The following CD84 variants were observed in gnomAD, a reference collection of about 807,000 sequenced individuals.
The protein encoded by CD84 is CD84 molecule.
In CD84, 22 loss-of-function variants were observed where a neutral mutation model predicts 33.8. The observed-to-expected ratio is 0.65, with a 90% confidence interval of 0.46 to 0.93. CD84 has a LOEUF of 0.93. Among genes scored for constraint, CD84 ranks in the 40% least tolerant of loss-of-function variants. The probability of loss-of-function intolerance (pLI) is 0.00; values close to 1 mark genes in which losing one functional copy is unlikely to be tolerated. For missense variants in CD84, 400 were observed against 397.6 expected, an observed-to-expected ratio of 1.01 and a Z score of -0.05; for synonymous variants, 154 against 145.2, an observed-to-expected ratio of 1.06 and a Z score of -0.44.
At chr1:160,563,300 T>C (rs1657109314) in intron 2 of CD84, among the ~76,000 whole-genome samples, 1 of 152,178 alleles carries the variant, frequency 6.6e-6, no homozygotes, top group African/African-American at 2.4e-5. Flanking sequence ...TGCACATGTA[T>C]GTTCATTGCA....
In CD84 at chr1:160,552,937, A is replaced by G. The variant is rs903008063; in HGVS notation, c.760+441T>C. On this transcript the variant is annotated intron_variant, in intron 4 of 6. Transcript: ENST00000368054. ...ACTACAGAATGATCCAGAGGGATTC[A>G]GAGGGACATAGTGACAACCATGGAG... is the stretch of plus-strand genomic sequence containing the variant. 31 of 598,592 alleles carry G rather than the reference A, an allele frequency of 5.2e-5. No individual in the cohort carries two copies. The Admixed American group carries it at 8.5e-4, about 16-fold the overall frequency. 37.1% of individuals were successfully genotyped at this position (598,592 alleles called of 1,614,324 possible).
intron 2 of CD84, among the ~76,000 whole-genome samples, chr1:160,559,671 T>TA (rs933223276): frequency 1.4e-4 from 22 of 152,002 alleles, no homozygotes; most frequent in African/African-American, 4.8e-4. Context: ...GCCCCCAATT[T>TA]AAAAAATCAC....
At chr1:160,579,181 A>C (rs1481135972) in intron 1 of CD84, among the ~76,000 whole-genome samples, 2 of 152,140 alleles carry the variant, frequency 1.3e-5, no homozygotes, top group African/African-American at 4.8e-5. Flanking sequence ...AATATAACTC[A>C]GTAATATAAA....
chr1:160,564,766 T>C (rs1257824552), intron 2 of CD84, among the ~76,000 whole-genome samples: 1 of 152,098 alleles, frequency 6.6e-6, no homozygotes, highest in Non-Finnish European at 1.5e-5. Context: ...AAGGGAAAGA[T>C]GGAGATGTGG....
rs770069781 is a variant in CD84 at position 160,553,702 on chromosome 1, C to T, written c.640+193G>A. The stretch of plus-strand genomic sequence containing the variant: ...TTGATCAGGGGCTGCCACAGAACAC[C>T]CAGAAATGTCTAGCATCTCTCAGAA... On this transcript the variant is annotated intron_variant, in intron 3 of 6. Transcript: ENST00000368054. 320 of 992,304 alleles carry T rather than the reference C, an allele frequency of 3.2e-4. 1 individual carries two copies. The highest frequency in any genetic ancestry group is 4.3e-4 in the Non-Finnish European group (296 of 682,966). The allele number at this position is 992,304 out of a possible 1,614,324, so 61.5% of individuals were successfully genotyped here. A position where few individuals can be genotyped will look rare whatever the true frequency, so the allele number is the denominator to read the frequency against.
In CD84 at chr1:160,541,228, G is replaced by A. The variant is rs1217348593; in HGVS notation, c.*7028C>T. 1 of 152,190 alleles carries A rather than the reference G, an allele frequency of 6.6e-6. No homozygotes were observed. Among genetic ancestry groups the A allele is most frequent in the Non-Finnish European group, 1.5e-5 (1 of 68,038 alleles). The allele number at this position is 152,190 out of a possible 1,614,324, so 9.4% of individuals were successfully genotyped here. A position where few individuals can be genotyped will look rare whatever the true frequency, so the allele number is the denominator to read the frequency against. ...CATTTACAAATGCCTGAAATAAAAG[G>A]TGACTTGTAGAAGGGATAATATATC... On this transcript the variant is annotated 3_prime_UTR_variant, in exon 7 of 7. Transcript: ENST00000368054.
intron 2 of CD84, among the ~76,000 whole-genome samples, chr1:160,555,398 A>AT (rs552991721): frequency 2.0e-5 from 3 of 151,700 alleles, no homozygotes; most frequent in African/African-American, 7.3e-5. Flanking sequence ...AATCTTTAAA[A>AT]TTTTTTTTCA....
chr1:160,572,746 A>G (rs1657768917), intron 1 of CD84, among the ~76,000 whole-genome samples: 1 of 152,136 alleles, frequency 6.6e-6, no homozygotes, highest in Non-Finnish European at 1.5e-5. Flanking sequence ...CCAGAACACA[A>G]ATGGGAAAGG....
At chr1:160,557,145 C>A (rs1656663017) in intron 2 of CD84, among the ~76,000 whole-genome samples, 1 of 152,186 alleles carries the variant, frequency 6.6e-6, no homozygotes, top group African/African-American at 2.4e-5. Flanking sequence ...CAATTACGAT[C>A]TACATTCTAT....
In CD84 at chr1:160,565,569, T is replaced by A. The variant is rs1394794315; in HGVS notation, c.223A>T (p.Thr75Ser). Residue 75 changes from threonine (T) to serine (S), a missense_variant, in exon 2 of 7, where the codon ACT becomes TCT. By Grantham distance (58) the Thr-to-Ser change is moderately conservative. Coordinates refer to ENST00000368054, the MANE Select transcript of CD84 (RefSeq NM_003874.4). ...TCATAATAATTTCTGTGGGTCACAGTAACTACGGGTGCTGTTTCTGAGTCT... is the reference window on the plus strand; with the variant it reads ...TCATAATAATTTCTGTGGGTCACAGAAACTACGGGTGCTGTTTCTGAGTCT... ...PGDSETAPVV[T>S]VTHRNYYERI... 4.3e-6 allele frequency: 7 copies of A among 1,614,034 alleles called. No individual in the cohort carries two copies. The highest frequency in any genetic ancestry group is 3.4e-6 in the Non-Finnish European group (4 of 1,179,926).
Position 160,547,912 on chromosome 1 carries a change from T to C in CD84, c.*344A>G. 1 of 318,948 alleles carries C rather than the reference T, an allele frequency of 3.1e-6. No individual in the cohort carries two copies. Among genetic ancestry groups the C allele is most frequent in the Non-Finnish European group, 6.1e-6 (1 of 164,510 alleles). 19.8% of individuals were successfully genotyped at this position (318,948 alleles called of 1,614,324 possible). ...TCCAGTCACAAGAGGCCTCTAGTCATATGCAGCTTCCAGAAGTGAGCAATC... is the reference window on the plus strand; with the variant it reads ...TCCAGTCACAAGAGGCCTCTAGTCACATGCAGCTTCCAGAAGTGAGCAATC... On this transcript the variant is annotated 3_prime_UTR_variant, in exon 7 of 7. Coordinates refer to ENST00000368054, the MANE Select transcript of CD84 (RefSeq NM_003874.4).
chr1:160,550,557 G>C (rs890435251), intron 5 of CD84: 5 of 925,778 alleles, frequency 5.4e-6, no homozygotes, highest in South Asian at 1.0e-4. Flanking sequence ...CTGTTGCCTC[G>C]TAGCCCCCTT....
chr1:160,567,638 T>C (rs1657413915), intron 1 of CD84, among the ~76,000 whole-genome samples: 1 of 152,046 alleles, frequency 6.6e-6, no homozygotes, highest in African/African-American at 2.4e-5. Flanking sequence ...ACAGATGTGG[T>C]CACAAGTGAA....
At chr1:160,570,784 C>T (rs1006094778) in intron 1 of CD84, among the ~76,000 whole-genome samples, 1 of 152,074 alleles carries the variant, frequency 6.6e-6, no homozygotes, top group South Asian at 2.1e-4. Flanking sequence ...ATCACCTGAG[C>T]CCAAGGGGGT....
chr1:160,554,395 T>C (rs1268873182), intron 2 of CD84, among the ~76,000 whole-genome samples: 1 of 152,230 alleles, frequency 6.6e-6, no homozygotes, highest in Non-Finnish European at 1.5e-5. Flanking sequence ...TATCTGTCCT[T>C]TGTTAACAGA....
rs768524592 is a variant in CD84, at chr1:160,549,996, T to C, written c.859-17A>G. On this transcript the variant is annotated splice_polypyrimidine_tract_variant and intron_variant, in intron 5 of 6. Transcript: ENST00000368054. ...GGGAAGCACCTGTAAAACACACATC[T>C]TCCCCTCAGTGAGGGAGCCCAGGCC... 8 of 1,575,698 alleles carry C rather than the reference T, an allele frequency of 5.1e-6. No individual in the cohort carries two copies. In the East Asian group the frequency reaches 1.8e-4, roughly 35 times the overall value.
rs1370009751 is a variant in CD84, at chr1:160,553,442, C to T, written c.696G>A (p.Met232Ile). ...HHTGLLSVLA[M>I]FFLLVLILSS... ...ACAGAATGAGAACAAGCAGAAAGAA[C>T]ATAGCCAGCACGCTCAGCAACCCGG... Residue 232 changes from methionine (M) to isoleucine (I), a missense_variant, in exon 4 of 7, where the codon ATG becomes ATA. Transcript: ENST00000368054. 6.2e-7 allele frequency: 1 copy of T among 1,614,094 alleles called. No individual in the cohort carries two copies. Among genetic ancestry groups the T allele is most frequent in the South Asian group, 1.1e-5 (1 of 91,082 alleles).
In CD84 at chr1:160,544,721, A is replaced by AT. The variant is rs1655724770; in HGVS notation, c.*3534dup. The AT allele has an allele frequency of 6.6e-6, 1 of 152,106 alleles. No individual in the cohort carries two copies. Among genetic ancestry groups the AT allele is most frequent in the Non-Finnish European group, 1.5e-5 (1 of 68,014 alleles). 9.4% of individuals were successfully genotyped at this position (152,106 alleles called of 1,614,324 possible). Reference sequence around the variant, plus strand: ...CTGTGTAGTTTACAGTGTTCTACAGATTTTTTAAATCATATTTTAAACAAG... The same window carrying AT: ...CTGTGTAGTTTACAGTGTTCTACAGATTTTTTTAAATCATATTTTAAACAAG... On this transcript the variant is annotated 3_prime_UTR_variant, in exon 7 of 7. Coordinates refer to ENST00000368054, the MANE Select transcript of CD84 (RefSeq NM_003874.4).
At chr1:160,551,138 A>C (rs907966592) in intron 4 of CD84, 103 bp from the exon 5 acceptor site, 11 of 881,956 alleles carry the variant, frequency 1.2e-5, no homozygotes, top group Non-Finnish European at 1.7e-5. Context: ...GGAAGCCCCC[A>C]GGGATTAAAT....
Sources: gnomAD v4.1 joint callset for allele counts (sites outside exome capture counted in the v4.1 genomes callset) on GRCh38, gnomAD v4.1.1 for gene constraint, MANE v1.5 for transcripts, NCBI Gene and HGNC (gene_info 2026-07-23, HGNC 2026-07-21) for gene names.